The following UBL3 variants were observed in gnomAD, a reference collection of about 807,000 sequenced individuals.
UBL3 encodes the protein ubiquitin like 3.
A neutral mutation model predicts 18.4 loss-of-function variants in UBL3; 6 were observed. That is an observed-to-expected ratio of 0.33 (90% CI 0.18 to 0.64). The LOEUF is 0.64. UBL3 is among the 30% of genes least tolerant of loss of function. The pLI is 0.76. For missense variants in UBL3, 109 were observed against 142.9 expected, an observed-to-expected ratio of 0.76 and a Z score of 1.21; for synonymous variants, 49 against 46.6, an observed-to-expected ratio of 1.05 and a Z score of -0.21.
At chr13:29,812,336 A>C (rs978954983) in intron 1 of UBL3, among the ~76,000 whole-genome samples, 31 of 151,774 alleles carry the variant, frequency 2.0e-4, no homozygotes, top group African/African-American at 7.3e-4. Flanking sequence ...AAGAACCACT[A>C]CTCATGGTTA....
intron 1 of UBL3, among the ~76,000 whole-genome samples, chr13:29,835,781 A>G (rs868290103): frequency 8.7e-4 from 125 of 143,434 alleles, no homozygotes; most frequent in African/African-American, 3.2e-3. Flanking sequence ...AAAAAAAAAA[A>G]GTATATTGAT....
intron 1 of UBL3, among the ~76,000 whole-genome samples, chr13:29,840,771 T>C (rs1190737020): frequency 1.3e-5 from 2 of 152,174 alleles, no homozygotes; most frequent in African/African-American, 4.8e-5. Flanking sequence ...GGCACAGAGA[T>C]ATGTTTAAGA....
rs979807107 is a variant in UBL3, at chr13:29,766,624, A to G, written c.*631T>C. The G allele has an allele frequency of 6.5e-6, 1 of 152,674 alleles. No homozygotes were observed. Among genetic ancestry groups the G allele is most frequent in the Admixed American group, 6.5e-5 (1 of 15,268 alleles). 9.5% of individuals were successfully genotyped at this position (152,674 alleles called of 1,614,324 possible). A position where few individuals can be genotyped will look rare whatever the true frequency, so the allele number is the denominator to read the frequency against. On this transcript the variant is annotated 3_prime_UTR_variant, in exon 5 of 5. Coordinates refer to ENST00000380680, the MANE Select transcript of UBL3 (RefSeq NM_007106.4). ...CATCAGCCCTCTACTGAGTGCTTTAAACAGGCACATTTTGTTTTTTCATTT... is the reference window on the plus strand; with the variant it reads ...CATCAGCCCTCTACTGAGTGCTTTAGACAGGCACATTTTGTTTTTTCATTT...
At chr13:29,780,779 T>C (rs532533595) in intron 1 of UBL3, among the ~76,000 whole-genome samples, 1 of 152,312 alleles carries the variant, frequency 6.6e-6, no homozygotes, top group Admixed American at 6.5e-5. Context: ...TCATTCCATA[T>C]AAAGAGATCA....
intron 1 of UBL3, among the ~76,000 whole-genome samples, chr13:29,778,927 T>TA (rs1877073279): frequency 6.6e-6 from 1 of 152,158 alleles, no homozygotes; most frequent in African/African-American, 2.4e-5. Flanking sequence ...TTTTAGAAGA[T>TA]AAAAGAAAAT....
chr13:29,775,249 A>G (rs1178975626), intron 2 of UBL3, among the ~76,000 whole-genome samples: 2 of 152,176 alleles, frequency 1.3e-5, no homozygotes, highest in African/African-American at 2.4e-5. Flanking sequence ...TTTTAGTTTT[A>G]TGATTGTGTA....
intron 1 of UBL3, among the ~76,000 whole-genome samples, chr13:29,843,542 TACTA>T (rs1382894624): frequency 6.6e-6 from 1 of 152,188 alleles, no homozygotes; most frequent in Non-Finnish European, 1.5e-5. Context: ...ACATGTCACT[TACTA>T]ACTTACTAAA....
At chr13:29,829,201 T>C (rs991670937) in intron 1 of UBL3, among the ~76,000 whole-genome samples, 9 of 152,180 alleles carry the variant, frequency 5.9e-5, no homozygotes, top group African/African-American at 2.2e-4. Context: ...GGAGAACCAC[T>C]ACTCTCTTCA....
At chr13:29,809,908 A>C (rs538459232) in intron 1 of UBL3, among the ~76,000 whole-genome samples, 8 of 152,130 alleles carry the variant, frequency 5.3e-5, no homozygotes, top group Non-Finnish European at 1.2e-4. Flanking sequence ...ATGACTATAT[A>C]TTAATTTATT....
intron 1 of UBL3, among the ~76,000 whole-genome samples, chr13:29,819,517 C>T (rs1410207327): frequency 6.6e-6 from 1 of 152,110 alleles, no homozygotes; most frequent in Non-Finnish European, 1.5e-5. Context: ...ATTAACCTAC[C>T]AATCACAGGA....
At chr13:29,817,958 A>G (rs943764547) in intron 1 of UBL3, among the ~76,000 whole-genome samples, 1 of 152,226 alleles carries the variant, frequency 6.6e-6, no homozygotes, top group Non-Finnish European at 1.5e-5. Context: ...CTGAACTGAC[A>G]GCAAAACTTT....
At chr13:29,773,937 T>C (rs1400260596) in intron 2 of UBL3, among the ~76,000 whole-genome samples, 1 of 152,204 alleles carries the variant, frequency 6.6e-6, no homozygotes, top group African/African-American at 2.4e-5. Context: ...TTGCCACACA[T>C]TTGTTATTAA....
Position 29,765,241 on chromosome 13 carries a change from T to TA in UBL3, c.*2013dup, listed in dbSNP as rs1876646129. ...AATGAAAATAGGTATTAAAAATAAT[T>TA]ACCAGTAGTTTGTTTTACAAAATAG... On this transcript the variant is annotated 3_prime_UTR_variant, in exon 5 of 5. Transcript: ENST00000380680. 6.6e-6 allele frequency: 1 copy of TA among 152,156 alleles called. No homozygotes were observed. The highest frequency in any genetic ancestry group is 2.4e-5 in the African/African-American group (1 of 41,466). The allele number at this position is 152,156 out of a possible 1,614,324, so 9.4% of individuals were successfully genotyped here.
chr13:29,805,810 A>G (rs1877884174), intron 1 of UBL3, among the ~76,000 whole-genome samples: 1 of 152,204 alleles, frequency 6.6e-6, no homozygotes, highest in African/African-American at 2.4e-5. Flanking sequence ...ACCATTTTCT[A>G]AAACTACTAA....
intron 1 of UBL3, among the ~76,000 whole-genome samples, chr13:29,829,558 A>G (rs887085444): frequency 1.3e-5 from 2 of 152,180 alleles, no homozygotes; most frequent in Non-Finnish European, 2.9e-5. Flanking sequence ...TTAGGGTGGG[A>G]GTGACCCAAT....
intron 1 of UBL3, among the ~76,000 whole-genome samples, chr13:29,803,546 C>A (rs914332731): frequency 3.3e-5 from 5 of 151,780 alleles, no homozygotes; most frequent in Non-Finnish European, 7.4e-5. Context: ...ACTCATCTTA[C>A]ACGCAATGAC....
chr13:29,799,735 T>C (rs892387149), intron 1 of UBL3, among the ~76,000 whole-genome samples: 2 of 152,226 alleles, frequency 1.3e-5, no homozygotes, highest in African/African-American at 4.8e-5. Flanking sequence ...CCCTCTGTTG[T>C]TCTCCATCAC....
At chr13:29,770,539 A>T (rs1876814650) in intron 3 of UBL3, among the ~76,000 whole-genome samples, 1 of 152,098 alleles carries the variant, frequency 6.6e-6, no homozygotes, top group Non-Finnish European at 1.5e-5. Flanking sequence ...GTCACAACAG[A>T]AAAGATAATT....
chr13:29,792,410 AAAAT>A (rs1055286227), intron 1 of UBL3, among the ~76,000 whole-genome samples: 9 of 152,366 alleles, frequency 5.9e-5, no homozygotes, highest in Middle Eastern at 3.4e-3. Context: ...GAAAAAAATA[AAAAT>A]AAATAAATAA....
Sources: allele counts gnomAD v4.1 joint callset (sites outside exome capture counted in the v4.1 genomes callset), GRCh38; gene constraint gnomAD v4.1.1; transcripts MANE v1.5; gene names NCBI Gene and HGNC (gene_info 2026-07-23, HGNC 2026-07-21).